LINGO2: variants seen among roughly 807,000 people sequenced by gnomAD.
The protein encoded by LINGO2 is leucine rich repeat and Ig domain containing 2, also known as leucine-rich repeat and immunoglobulin-like domain-containing nogo receptor-interacting protein 2.
Under a neutral mutation model 30.6 loss-of-function variants are expected in LINGO2, and 14 were observed. That is an observed-to-expected ratio of 0.46 (90% CI 0.30 to 0.72). LINGO2 has a LOEUF of 0.72. Among genes scored for constraint, LINGO2 ranks in the 30% least tolerant of loss-of-function variants. LINGO2 has a pLI of 0.07. For missense variants in LINGO2, 729 were observed against 751.7 expected (o/e 0.97, Z 0.35); for synonymous variants, 317 against 288.5 (o/e 1.10, Z -1.00).
At chr9:28,057,559 A>ATATATACATATATATACACATATATG (rs59670064) in intron 4 of LINGO2, among the ~76,000 whole-genome samples, 1,266 of 126,102 alleles carry the variant, frequency 0.01, 74 homozygotes, top group African/African-American at 0.019. Context: ...ATAAGTATAT[A>ATATATACATATATATACACATATATG]TATATACATA....
At chr9:28,654,923 T>A (rs1482184174) in intron 1 of LINGO2, among the ~76,000 whole-genome samples, 1 of 152,072 alleles carries the variant, frequency 6.6e-6, no homozygotes, top group Non-Finnish European at 1.5e-5. Flanking sequence ...GTTAGGCACT[T>A]TTTGTTTGTT....
chr9:27,959,945 G>A (rs372804542), intron 5 of LINGO2, among the ~76,000 whole-genome samples: 11 of 152,078 alleles, frequency 7.2e-5, no homozygotes, highest in African/African-American at 2.4e-4. Flanking sequence ...GTATGTTAAA[G>A]CTCTGATATT....
At chr9:28,053,505 G>C (rs766761095) in intron 4 of LINGO2, among the ~76,000 whole-genome samples, 1 of 152,084 alleles carries the variant, frequency 6.6e-6, no homozygotes, top group Admixed American at 6.6e-5. Context: ...TGAATCTGAA[G>C]CCTTAATTGA....
intron 2 of LINGO2, among the ~76,000 whole-genome samples, chr9:28,455,552 T>G (rs1471758148): frequency 6.6e-6 from 1 of 151,932 alleles, no homozygotes; most frequent in African/African-American, 2.4e-5. Flanking sequence ...AGGATGCAAC[T>G]AAAGTCAAGA....
the LINGO2 span, among the ~76,000 whole-genome samples, chr9:28,947,025 T>C: frequency 6.6e-6 from 1 of 152,120 alleles, no homozygotes; most frequent in Admixed American, 6.6e-5. Context: ...ACTAATATCC[T>C]AAATGTGTAC....
At chr9:28,002,299 T>C (rs1821999754) in intron 5 of LINGO2, among the ~76,000 whole-genome samples, 1 of 147,040 alleles carries the variant, frequency 6.8e-6, no homozygotes. Flanking sequence ...TTTCAATTTG[T>C]TTCATATGAC....
chr9:29,210,068 T>A, the LINGO2 span, among the ~76,000 whole-genome samples: 1 of 152,218 alleles, frequency 6.6e-6, no homozygotes. Context: ...AATTGAAGTA[T>A]CAAGCCAATT....
chr9:29,048,509 C>T, the LINGO2 span, among the ~76,000 whole-genome samples: 2 of 151,814 alleles, frequency 1.3e-5, no homozygotes, highest in African/African-American at 2.4e-5. Flanking sequence ...CGCAAAATAG[C>T]CAAAGCTATC....
At chr9:29,077,817 AT>A in the LINGO2 span, among the ~76,000 whole-genome samples, 963 of 151,944 alleles carry the variant, frequency 6.3e-3, 14 homozygotes, top group African/African-American at 0.022. Context: ...ACACAGAATT[AT>A]TTAAAAAAAA....
chr9:29,163,254 T>G, the LINGO2 span, among the ~76,000 whole-genome samples: 61 of 152,290 alleles, frequency 4.0e-4, no homozygotes, highest in African/African-American at 1.3e-3. Context: ...ATCAGAAATG[T>G]CTGATGTATT....
chr9:29,057,001 T>C, the LINGO2 span, among the ~76,000 whole-genome samples: 1 of 152,212 alleles, frequency 6.6e-6, no homozygotes, highest in African/African-American at 2.4e-5. Flanking sequence ...CCGTATAGTA[T>C]AAAGTCGGGT....
At chr9:27,982,033 G>C (rs911360575) in intron 5 of LINGO2, among the ~76,000 whole-genome samples, 3 of 151,800 alleles carry the variant, frequency 2.0e-5, no homozygotes, top group Non-Finnish European at 4.4e-5. Flanking sequence ...TTAATCTACA[G>C]AGTCTCTGTG....
chr9:28,118,233 A>AT (rs1190952810), intron 4 of LINGO2, among the ~76,000 whole-genome samples: 2 of 152,170 alleles, frequency 1.3e-5, no homozygotes, highest in African/African-American at 4.8e-5. Flanking sequence ...GACCCCCAAA[A>AT]TTAAAATAAA....
At chr9:29,180,695 A>G in the LINGO2 span, among the ~76,000 whole-genome samples, 4 of 152,308 alleles carry the variant, frequency 2.6e-5, no homozygotes, top group South Asian at 8.3e-4. Flanking sequence ...TCTTAATTAT[A>G]AAGAAGTTTG....
the LINGO2 span, among the ~76,000 whole-genome samples, chr9:28,949,833 C>A: frequency 6.6e-6 from 1 of 152,222 alleles, no homozygotes; most frequent in African/African-American, 2.4e-5. Flanking sequence ...GGCCAATATC[C>A]CTGATGAACA....
chr9:28,883,626 G>GTA, the LINGO2 span, among the ~76,000 whole-genome samples: 5 of 25,654 alleles, frequency 1.9e-4, no homozygotes, highest in African/African-American at 3.8e-4. Flanking sequence ...ATATGTGTGT[G>GTA]TGTATATATA....
At chr9:28,742,415 G>A in the LINGO2 span, among the ~76,000 whole-genome samples, 2 of 151,270 alleles carry the variant, frequency 1.3e-5, no homozygotes, top group African/African-American at 4.9e-5. Flanking sequence ...GTCCTGTTCT[G>A]CCATCTTAGT....
intron 1 of LINGO2, among the ~76,000 whole-genome samples, chr9:28,661,641 G>T (rs543273748): frequency 6.6e-6 from 1 of 152,226 alleles, no homozygotes; most frequent in Admixed American, 6.5e-5. Context: ...AAGTGGCCAT[G>T]AATATTTCTA....
At chr9:28,053,009 ATATAGG>A (rs1161822538) in intron 4 of LINGO2, among the ~76,000 whole-genome samples, 1 of 152,122 alleles carries the variant, frequency 6.6e-6, no homozygotes. Flanking sequence ...AAGGTGACCA[ATATAGG>A]TATGTTTTCT....
Sources: allele counts gnomAD v4.1 joint callset (sites outside exome capture counted in the v4.1 genomes callset), GRCh38; gene constraint gnomAD v4.1.1; transcripts MANE v1.5; gene names NCBI Gene and HGNC (gene_info 2026-07-23, HGNC 2026-07-21).